Variants in TMOD2 observed in about 807,000 individuals in gnomAD.
TMOD2 encodes the protein tropomodulin-2.
TMOD2 carries 22 observed loss-of-function variants against 39.9 expected under a neutral mutation model. That is an observed-to-expected ratio of 0.55 (90% confidence interval 0.39 to 0.79). The LOEUF is 0.79. TMOD2 is among the 30% of genes least tolerant of loss of function. TMOD2 has a pLI of 0.00. For synonymous variants in TMOD2, 123 were observed against 146.1 expected (o/e 0.84, Z 1.14); for missense variants, 386 against 413.3 (o/e 0.93, Z 0.57).
At chr15:51,755,785 T>G (rs1468517239) in intron 1 of TMOD2, among the ~76,000 whole-genome samples, 1 of 151,798 alleles carries the variant, frequency 6.6e-6, no homozygotes, top group Non-Finnish European at 1.5e-5. Context: ...CATCCATAAG[T>G]CATTACAAAA....
chr15:51,801,617 A>G lies in TMOD2; in HGVS notation c.876+3277A>G, dbSNP rs566555507. 4.2e-4 allele frequency among the ~76,000 whole-genome samples: 64 copies of G among 152,312 alleles called. 1 individual carries two copies. Among genetic ancestry groups the G allele is most frequent in the African/African-American group, 1.5e-3 (61 of 41,562 alleles). Reference sequence around the variant, plus strand: ...GGGCAGGCTGCTGTGGCTAGGCTCCAGGTCAATGTGCAGTGATTTAATCAG... The same window carrying G: ...GGGCAGGCTGCTGTGGCTAGGCTCCGGGTCAATGTGCAGTGATTTAATCAG... On this transcript the variant is annotated intron_variant, in intron 8 of 9. Transcript: ENST00000249700.
intron 1 of TMOD2, among the ~76,000 whole-genome samples, chr15:51,759,363 A>G (rs1350810025): frequency 2.0e-5 from 3 of 152,180 alleles, no homozygotes; most frequent in Non-Finnish European, 4.4e-5. Flanking sequence ...TCAGGAAAAA[A>G]GTCTAGGATG....
intron 7 of TMOD2, among the ~76,000 whole-genome samples, chr15:51,788,067 A>G (rs1319760505): frequency 6.6e-6 from 1 of 152,222 alleles, no homozygotes; most frequent in Non-Finnish European, 1.5e-5. Flanking sequence ...GAGCAAAAGG[A>G]GCATGTTCTA....
At chr15:51,785,952 T>G (rs969955999) in intron 7 of TMOD2, among the ~76,000 whole-genome samples, 2 of 152,128 alleles carry the variant, frequency 1.3e-5, no homozygotes, top group African/African-American at 4.8e-5. Flanking sequence ...CATTTTAAAT[T>G]TAACATTTAA....
At chr15:51,788,492 G>T (rs1304789843) in intron 7 of TMOD2, among the ~76,000 whole-genome samples, 1 of 152,156 alleles carries the variant, frequency 6.6e-6, no homozygotes, top group Non-Finnish European at 1.5e-5. Flanking sequence ...AGCAAGGCAG[G>T]CCAATTTTCA....
intron 5 of TMOD2, among the ~76,000 whole-genome samples, chr15:51,778,228 A>G (rs1393119645): frequency 6.6e-6 from 1 of 151,246 alleles, no homozygotes; most frequent in African/African-American, 2.4e-5. Context: ...TCAGTAAACT[A>G]TCTCAAGGAC....
Position 51,766,538 on chromosome 15 carries a change from G to C in TMOD2, c.97G>C (p.Glu33Gln), listed in dbSNP as rs778480275. The change falls in exon 2 of 10, where the codon GAA becomes CAA. Residue 33 changes from glutamate to glutamine, a missense_variant. By Grantham distance (29) the Glu-to-Gln change is conservative (BLOSUM62 2). Transcript: ENST00000249700. ...CTCAGAAGAGGAACTGAAACAGTTG[G>C]AAAATGTTCTAGATGACCTAGATCC... ...KLSEEELKQLENVLDDLDPES... is the reference protein window; with the variant it reads ...KLSEEELKQLQNVLDDLDPES... 3 of 1,614,120 alleles carry C rather than the reference G, an allele frequency of 1.9e-6. No homozygotes were observed. Among genetic ancestry groups the C allele is most frequent in the Non-Finnish European group, 1.7e-6 (2 of 1,179,988 alleles).
chr15:51,755,606 G>C (rs899655933), intron 1 of TMOD2, among the ~76,000 whole-genome samples: 1 of 152,158 alleles, frequency 6.6e-6, no homozygotes, highest in Non-Finnish European at 1.5e-5. Context: ...AGTGGTTAGA[G>C]GAGTGTGGAG....
intron 9 of TMOD2, 115 bp downstream of exon 9, chr15:51,806,636 T>C: frequency 8.4e-7 from 1 of 1,192,498 alleles, no homozygotes; most frequent in Non-Finnish European, 1.2e-6. Context: ...TGTCACTCAC[T>C]TCTTCATATA....
At chr15:51,787,940 G>C (rs148430959) in intron 7 of TMOD2, among the ~76,000 whole-genome samples, 1 of 152,116 alleles carries the variant, frequency 6.6e-6, no homozygotes. Context: ...AAACCAGAAC[G>C]CCTCTTCTCC....
intron 7 of TMOD2, among the ~76,000 whole-genome samples, chr15:51,787,129 CCG>C (rs146069959): frequency 0.032 from 4,927 of 152,298 alleles, 261 homozygotes; most frequent in African/African-American, 0.11. Context: ...TGCCCAAATA[CCG>C]CGCTTTTTCC....
At chr15:51,758,086 T>G (rs567937251) in intron 1 of TMOD2, among the ~76,000 whole-genome samples, 1 of 151,336 alleles carries the variant, frequency 6.6e-6, no homozygotes, top group East Asian at 1.9e-4. Context: ...TTTCTAATAA[T>G]AATAATAATA....
chr15:51,776,920 G>T lies in TMOD2; in HGVS notation c.407-12G>T. The T allele has an allele frequency of 1.2e-6, 2 of 1,611,722 alleles. No homozygotes were observed. Among genetic ancestry groups the T allele is most frequent in the South Asian group, 2.2e-5 (2 of 90,898 alleles). ...TCTCCAAACTTAATGCTCATTTGTT[G>T]ACTGTTTTTAGCTGTCCTTGGAGTA... is the stretch of plus-strand genomic sequence containing the variant. On this transcript the variant is annotated splice_polypyrimidine_tract_variant and intron_variant, in intron 4 of 9. Coordinates refer to ENST00000249700, the MANE Select transcript of TMOD2 (RefSeq NM_014548.4).
In TMOD2 at chr15:51,814,174, C is replaced by T. The variant is rs887664226; in HGVS notation, c.*5720C>T. ...GTTGACTAAGAATTGAGGGGAGGGTCTGGAGCGCTACTGCCCTCCTGTCAT... is the reference window on the plus strand; with the variant it reads ...GTTGACTAAGAATTGAGGGGAGGGTTTGGAGCGCTACTGCCCTCCTGTCAT... On this transcript the variant is annotated 3_prime_UTR_variant, in exon 10 of 10. Coordinates refer to ENST00000249700, the MANE Select transcript of TMOD2 (RefSeq NM_014548.4). The T allele has an allele frequency of 2.0e-5, 3 of 152,330 alleles. No homozygotes were observed. The highest frequency in any genetic ancestry group is 4.8e-5 in the African/African-American group (2 of 41,444). 9.4% of individuals were successfully genotyped at this position (152,330 alleles called of 1,614,324 possible).
At chr15:51,761,292 G>A (rs868342170) in intron 1 of TMOD2, among the ~76,000 whole-genome samples, 4 of 152,152 alleles carry the variant, frequency 2.6e-5, no homozygotes, top group African/African-American at 4.8e-5. Context: ...GGTGCTGACC[G>A]GCTGGACTCA....
rs1442435030 is a variant in TMOD2, at chr15:51,766,533, A to C, written c.92A>C (p.Gln31Pro). Residue 31 changes from glutamine to proline, a missense_variant, in exon 2 of 10, where the codon CAG becomes CCG. By Grantham distance (76) the Gln-to-Pro change is moderately conservative. Transcript: ENST00000249700. ...AAACTCTCAGAAGAGGAACTGAAAC[A>C]GTTGGAAAATGTTCTAGATGACCTA... is the stretch of plus-strand genomic sequence containing the variant. ...LGKLSEEELKQLENVLDDLDP... is the reference protein window; with the variant it reads ...LGKLSEEELKPLENVLDDLDP... The C allele has an allele frequency of 6.2e-7, 1 of 1,614,050 alleles. No homozygotes were observed. Among genetic ancestry groups the C allele is most frequent in the Non-Finnish European group, 8.5e-7 (1 of 1,180,012 alleles).
At chr15:51,776,312 T>G (rs2055889032) in intron 4 of TMOD2, among the ~76,000 whole-genome samples, 1 of 152,248 alleles carries the variant, frequency 6.6e-6, no homozygotes, top group South Asian at 2.1e-4. Context: ...AGTTGCAGGT[T>G]CAGTCAGCCC....
At chr15:51,757,350 G>A (rs147194897) in intron 1 of TMOD2, among the ~76,000 whole-genome samples, 4,950 of 141,500 alleles carry the variant, frequency 0.035, 133 homozygotes, top group Non-Finnish European at 0.051. Context: ...TGCAGTGAAC[G>A]GAGATCGCAC....
chr15:51,796,860 T>C (rs1413859359), intron 7 of TMOD2, among the ~76,000 whole-genome samples: 1 of 152,098 alleles, frequency 6.6e-6, no homozygotes, highest in Non-Finnish European at 1.5e-5. Flanking sequence ...TTCTGACCAT[T>C]TGTCAGAAGG....
Sources: gnomAD v4.1 joint callset for allele counts (sites outside exome capture counted in the v4.1 genomes callset) on GRCh38, gnomAD v4.1.1 for gene constraint, MANE v1.5 for transcripts, NCBI Gene and HGNC (gene_info 2026-07-23, HGNC 2026-07-21) for gene names.